Variants in MECOM observed in about 807,000 individuals in gnomAD.
MECOM encodes histone-lysine N-methyltransferase MECOM.
In MECOM, 13 loss-of-function variants were observed where a neutral mutation model predicts 116.3. That is an observed-to-expected ratio of 0.11 (90% confidence interval 0.07 to 0.18). The LOEUF is 0.18. Ranked by LOEUF, MECOM falls within the 10% of genes least tolerant of loss-of-function variation. MECOM has a pLI of 1.00. For synonymous variants in MECOM, 528 were observed against 535.2 expected, an observed-to-expected ratio of 0.99 and a Z score of 0.19; for missense variants, 1,299 against 1,509.0, an observed-to-expected ratio of 0.86 and a Z score of 2.31.
At chr3:169,090,421 GA>G (rs896077019) in intron 14 of MECOM, among the ~76,000 whole-genome samples, 185 bp from the exon 15 acceptor site, 1 of 151,824 alleles carries the variant, frequency 6.6e-6, no homozygotes, top group African/African-American at 2.4e-5. Context: ...GGAAGATAAA[GA>G]AAAAAATAAT....
chr3:169,399,728 T>G (rs1193573722), intron 1 of MECOM, among the ~76,000 whole-genome samples: 1 of 152,220 alleles, frequency 6.6e-6, no homozygotes, highest in Non-Finnish European at 1.5e-5. Flanking sequence ...TGTTTTATGT[T>G]TTTGTGGAGT....
chr3:169,116,146 G>T lies in MECOM; in HGVS notation c.1726C>A (p.Gln576Lys), dbSNP rs560838174. 109 of 1,614,080 alleles carry T rather than the reference G, an allele frequency of 6.8e-5. 1 individual carries two copies. The South Asian group carries it at 1.2e-3, about 17-fold the overall frequency. ...TCATCAAGGTCACTACTCTCTGACT[G>T]GTCACTGATTTTCTCAAAGGGCCTC... ...EERPFEKISD[Q>K]SESSDLDDVS... Residue 576 changes from glutamine (Q) to lysine (K), a missense_variant, in exon 8 of 17, where the codon CAG becomes AAG. Gln to Lys is a moderately conservative substitution (Grantham distance 53). Transcript: ENST00000651503.
chr3:169,539,348 A>T (rs1759781849), intron 1 of MECOM, among the ~76,000 whole-genome samples: 1 of 152,144 alleles, frequency 6.6e-6, no homozygotes, highest in East Asian at 1.9e-4. Flanking sequence ...TAGGACCTCA[A>T]CTTCTAAAAT....
chr3:169,434,786 TTTG>T (rs1207716207), intron 1 of MECOM, among the ~76,000 whole-genome samples: 1 of 152,196 alleles, frequency 6.6e-6, no homozygotes, highest in Non-Finnish European at 1.5e-5. Context: ...GTTAAATGTT[TTTG>T]TTGTTTTTTC....
intron 1 of MECOM, among the ~76,000 whole-genome samples, chr3:169,643,511 T>A (rs965212438): frequency 6.6e-6 from 1 of 152,170 alleles, no homozygotes; most frequent in Non-Finnish European, 1.5e-5. Flanking sequence ...AGAATCCAAA[T>A]GGCAGAAAAG....
At chr3:169,440,399 G>T (rs1419641281) in intron 1 of MECOM, among the ~76,000 whole-genome samples, 2 of 152,134 alleles carry the variant, frequency 1.3e-5, no homozygotes, top group Non-Finnish European at 2.9e-5. Flanking sequence ...GGCCAAGGAA[G>T]GTTTCATGGA....
chr3:169,087,838 T>C (rs1009063851), intron 16 of MECOM, among the ~76,000 whole-genome samples: 3 of 152,172 alleles, frequency 2.0e-5, no homozygotes, highest in African/African-American at 7.2e-5. Context: ...AATGAAGAAA[T>C]GGTACCTATA....
intron 1 of MECOM, among the ~76,000 whole-genome samples, chr3:169,446,709 C>T (rs1022163805): frequency 1.3e-5 from 2 of 152,194 alleles, no homozygotes; most frequent in Admixed American, 1.3e-4. Context: ...ACTGTGAGGT[C>T]ACTATTACTG....
chr3:169,657,553 T>A lies in MECOM; in HGVS notation c.37+5783A>T, dbSNP rs114926228. On this transcript the variant is annotated intron_variant, in intron 1 of 16. Coordinates refer to ENST00000651503, the MANE Select transcript of MECOM (RefSeq NM_004991.4). ...ATTCAAATATTCAATGTTGACATTG[T>A]ACAGAATTGGCAAGAAGCCAGAACC... Among the ~76,000 whole-genome samples, 13 of 152,322 alleles carry A rather than the reference T, an allele frequency of 8.5e-5. No homozygotes were observed. In the East Asian group the frequency reaches 1.7e-3, roughly 20 times the overall value.
At chr3:169,393,790 T>G (rs1488468051) in intron 1 of MECOM, among the ~76,000 whole-genome samples, 1 of 152,146 alleles carries the variant, frequency 6.6e-6, no homozygotes, top group Non-Finnish European at 1.5e-5. Flanking sequence ...TCTGGCATCA[T>G]ATTGCTTAAA....
intron 1 of MECOM, among the ~76,000 whole-genome samples, chr3:169,482,369 T>C (rs1263660840): frequency 6.8e-6 from 1 of 146,892 alleles, no homozygotes; most frequent in East Asian, 2.2e-4. Context: ...TCTCGCTCTG[T>C]GGCCCAGGCT....
chr3:169,370,613 G>C lies in MECOM; in HGVS notation c.375+10574C>G, dbSNP rs9878710. ...ACCTATGGAATGGGAGAAAATATTT[G>C]CAAACCATATATCTGGTAAGGGGCC... On this transcript the variant is annotated intron_variant, in intron 2 of 16. Coordinates refer to ENST00000651503, the MANE Select transcript of MECOM (RefSeq NM_004991.4). 6.2e-3 allele frequency among the ~76,000 whole-genome samples: 935 copies of C among 151,958 alleles called. 9 individuals are homozygous for C. The highest frequency in any genetic ancestry group is 0.022 in the African/African-American group (908 of 41,520).
intron 2 of MECOM, among the ~76,000 whole-genome samples, chr3:169,230,964 A>G (rs1250106954): frequency 6.6e-6 from 1 of 152,136 alleles, no homozygotes; most frequent in African/African-American, 2.4e-5. Flanking sequence ...TTTCACTTTT[A>G]TTAACTTGCC....
intron 1 of MECOM, among the ~76,000 whole-genome samples, chr3:169,589,301 T>G (rs1056713765): frequency 6.6e-6 from 1 of 151,412 alleles, no homozygotes; most frequent in Non-Finnish European, 1.5e-5. Flanking sequence ...ACACAAGGCT[T>G]TGCAGCATAA....
intron 2 of MECOM, among the ~76,000 whole-genome samples, chr3:169,208,054 C>G (rs1284618496): frequency 2.6e-5 from 4 of 151,926 alleles, no homozygotes; most frequent in African/African-American, 9.7e-5. Flanking sequence ...TACCTCTTTA[C>G]AGATAAGAAA....
chr3:169,122,857 G>A, intron 5 of MECOM, 130 bp from the exon 6 acceptor site: 2 of 999,808 alleles, frequency 2.0e-6, no homozygotes, highest in Non-Finnish European at 2.9e-6. Context: ...GGAGGGAAGA[G>A]CAGAAACAGG....
chr3:169,582,929 G>A (rs929582774), intron 1 of MECOM, among the ~76,000 whole-genome samples: 6 of 152,152 alleles, frequency 3.9e-5, no homozygotes, highest in Admixed American at 6.5e-5. Flanking sequence ...ACGACAAAAC[G>A]AAATATCATG....
chr3:169,450,954 T>C (rs77174671), intron 1 of MECOM, among the ~76,000 whole-genome samples: 1 of 152,318 alleles, frequency 6.6e-6, no homozygotes, highest in East Asian at 1.9e-4. Flanking sequence ...ATATTTCCAC[T>C]TAGCTTAACT....
chr3:169,381,662 T>C (rs538152113), intron 1 of MECOM, 138 bp from the exon 2 acceptor site: 10 of 690,710 alleles, frequency 1.4e-5, no homozygotes, highest in Non-Finnish European at 2.1e-5. Flanking sequence ...CATTAAAATC[T>C]TTATTATTTA....
Sources: gnomAD v4.1 joint callset for allele counts (sites outside exome capture counted in the v4.1 genomes callset) on GRCh38, gnomAD v4.1.1 for gene constraint, MANE v1.5 for transcripts, NCBI Gene and HGNC (gene_info 2026-07-23, HGNC 2026-07-21) for gene names.